PRKCE: variants seen among roughly 807,000 people sequenced by gnomAD.
PRKCE encodes the protein protein kinase C epsilon type.
In PRKCE, 16 loss-of-function variants were observed where a neutral mutation model predicts 85.4. The ratio of observed to expected loss-of-function variants is 0.19; its 90% confidence interval spans 0.13 to 0.28. PRKCE has a LOEUF of 0.28. Among genes scored for constraint, PRKCE ranks in the 10% least tolerant of loss-of-function variants. PRKCE has a pLI of 1.00. For missense variants in PRKCE, 573 were observed against 975.2 expected (o/e 0.59, Z 5.49); for synonymous variants, 388 against 371.5 (o/e 1.04, Z -0.51).
At position 46,086,728 on chromosome 2, in the gene PRKCE, C is replaced by G. The variant is rs1669674371; in HGVS notation, c.1592+366C>G. Among the ~76,000 whole-genome samples the G allele has an allele frequency of 3.3e-5, 5 of 152,256 alleles. No individual in the cohort carries two copies. The South Asian group carries it at 1.0e-3, about 32-fold the overall frequency. The stretch of plus-strand genomic sequence containing the variant: ...CGTGTTTCTTCTGTGCCATGAACTT[C>G]CTCCCCTTCCTAGTCTCTTGCCACT... On this transcript the variant is annotated intron_variant, in intron 11 of 14. Coordinates refer to ENST00000306156, the MANE Select transcript of PRKCE (RefSeq NM_005400.3).
At chr2:46,089,096 C>T (rs1283215728) in intron 11 of PRKCE, among the ~76,000 whole-genome samples, 1 of 152,192 alleles carries the variant, frequency 6.6e-6, no homozygotes, top group Non-Finnish European at 1.5e-5. Flanking sequence ...TTCTCTTCTC[C>T]CCACTTGCCT....
intron 11 of PRKCE, among the ~76,000 whole-genome samples, chr2:46,125,016 T>C (rs544051796): frequency 2.6e-5 from 4 of 152,250 alleles, no homozygotes; most frequent in Non-Finnish European, 5.9e-5. Context: ...AATGGTGTCT[T>C]GCCTTGTTCA....
At chr2:45,935,459 A>G (rs372847764) in intron 2 of PRKCE, among the ~76,000 whole-genome samples, 101 of 152,324 alleles carry the variant, frequency 6.6e-4, no homozygotes, top group African/African-American at 2.2e-3. Flanking sequence ...TTTATAAACA[A>G]AAGTGTTTTT....
At chr2:45,733,564 T>C (rs896159572) in intron 1 of PRKCE, among the ~76,000 whole-genome samples, 1 of 151,706 alleles carries the variant, frequency 6.6e-6, no homozygotes, top group Non-Finnish European at 1.5e-5. Context: ...AGTGGCCAGG[T>C]TGGGGTGTTA....
intron 2 of PRKCE, among the ~76,000 whole-genome samples, chr2:45,970,024 G>T (rs1210883045): frequency 6.6e-6 from 1 of 152,180 alleles, no homozygotes; most frequent in Non-Finnish European, 1.5e-5. Flanking sequence ...TAAGGATATA[G>T]CTTTTAGTTT....
chr2:45,748,633 C>A (rs1030583363), intron 1 of PRKCE, among the ~76,000 whole-genome samples: 11 of 152,164 alleles, frequency 7.2e-5, no homozygotes, highest in African/African-American at 2.7e-4. Context: ...CTTATCTCTA[C>A]CCTTCAGTCT....
At chr2:45,948,400 G>A (rs1390219017) in intron 2 of PRKCE, among the ~76,000 whole-genome samples, 2 of 152,214 alleles carry the variant, frequency 1.3e-5, no homozygotes, top group African/African-American at 2.4e-5. Context: ...AGTACTTGGG[G>A]AGGCCAAGGT....
intron 1 of PRKCE, among the ~76,000 whole-genome samples, chr2:45,831,988 A>G (rs1690462421): frequency 6.6e-6 from 1 of 152,242 alleles, no homozygotes; most frequent in South Asian, 2.1e-4. Flanking sequence ...GTATATTTAA[A>G]CTAAATGATT....
At chr2:45,763,020 C>T (rs539281787) in intron 1 of PRKCE, among the ~76,000 whole-genome samples, 764 of 151,364 alleles carry the variant, frequency 5.0e-3, no homozygotes, top group Non-Finnish European at 6.8e-3. Flanking sequence ...GGCGCGATCT[C>T]GGCTCACTGC....
At chr2:45,734,711 C>G (rs1681897214) in intron 1 of PRKCE, among the ~76,000 whole-genome samples, 1 of 152,234 alleles carries the variant, frequency 6.6e-6, no homozygotes, top group East Asian at 1.9e-4. Flanking sequence ...GCGCAGATCC[C>G]CCCTGCAGGC....
chr2:45,820,713 C>G (rs972489989), intron 1 of PRKCE, among the ~76,000 whole-genome samples: 1 of 152,148 alleles, frequency 6.6e-6, no homozygotes, highest in African/African-American at 2.4e-5. Context: ...GAAAGCTTCT[C>G]TGTCTTCATT....
chr2:46,038,233 T>C (rs1269687860), intron 10 of PRKCE, among the ~76,000 whole-genome samples: 1 of 152,090 alleles, frequency 6.6e-6, no homozygotes, highest in East Asian at 1.9e-4. Flanking sequence ...TTTTGAAACA[T>C]ACTGGCAGCA....
chr2:46,132,972 C>A lies in PRKCE; in HGVS notation c.1593-12121C>A, dbSNP rs780035382. 2.0e-5 allele frequency among the ~76,000 whole-genome samples: 3 copies of A among 152,158 alleles called. No homozygotes were observed. In the South Asian group the frequency reaches 6.2e-4, roughly 32 times the overall value. Reference sequence around the variant, plus strand: ...ATCCCCGTCAAATTGTGTGGAGTTACATTTGTGTTTCCTCAGCTCTTTATC... The same window carrying A: ...ATCCCCGTCAAATTGTGTGGAGTTAAATTTGTGTTTCCTCAGCTCTTTATC... On this transcript the variant is annotated intron_variant, in intron 11 of 14. Transcript: ENST00000306156.
chr2:45,944,289 G>T (rs1395856450), intron 2 of PRKCE, among the ~76,000 whole-genome samples: 5 of 152,164 alleles, frequency 3.3e-5, no homozygotes, highest in African/African-American at 1.2e-4. Flanking sequence ...AGGGCTGTAG[G>T]AAAAGCCTCA....
intron 1 of PRKCE, among the ~76,000 whole-genome samples, chr2:45,752,850 C>G (rs772731837): frequency 6.6e-6 from 1 of 152,020 alleles, no homozygotes; most frequent in Non-Finnish European, 1.5e-5. Context: ...AGTACTGGGA[C>G]TTAGTGGCTT....
At chr2:45,897,421 C>T (rs1696234004) in intron 2 of PRKCE, among the ~76,000 whole-genome samples, 1 of 152,090 alleles carries the variant, frequency 6.6e-6, no homozygotes, top group Non-Finnish European at 1.5e-5. Flanking sequence ...TCAGGTTGCC[C>T]ATCTTGTTTT....
At chr2:45,788,606 G>C (rs907520412) in intron 1 of PRKCE, among the ~76,000 whole-genome samples, 1 of 152,140 alleles carries the variant, frequency 6.6e-6, no homozygotes, top group Non-Finnish European at 1.5e-5. Context: ...TCAGCTGTTG[G>C]TTTAGAAACC....
intron 14 of PRKCE, among the ~76,000 whole-genome samples, chr2:46,169,482 CAG>C: frequency 6.6e-6 from 1 of 152,134 alleles, no homozygotes; most frequent in Non-Finnish European, 1.5e-5. Context: ...TCTTGGAGCA[CAG>C]AGCTTGGAGA....
chr2:45,882,920 G>A (rs143787943), intron 2 of PRKCE, among the ~76,000 whole-genome samples: 126 of 152,358 alleles, frequency 8.3e-4, no homozygotes, highest in African/African-American at 2.9e-3. Context: ...AAAGCTGGCC[G>A]CTGCTTCGGA....
Sources: allele counts gnomAD v4.1 joint callset (sites outside exome capture counted in the v4.1 genomes callset), GRCh38; gene constraint gnomAD v4.1.1; transcripts MANE v1.5; gene names NCBI Gene and HGNC (gene_info 2026-07-23, HGNC 2026-07-21).